The following TNFAIP3 variants were observed in gnomAD, a reference collection of about 807,000 sequenced individuals.
The protein encoded by TNFAIP3 is tumor necrosis factor alpha-induced protein 3.
TNFAIP3 carries 9 observed loss-of-function variants against 72.4 expected under a neutral mutation model. That is an observed-to-expected ratio of 0.12 (90% CI 0.07 to 0.22). The LOEUF is 0.22. TNFAIP3 is among the 10% of genes least tolerant of loss of function. TNFAIP3 has a pLI of 1.00. For synonymous variants in TNFAIP3, 339 were observed against 372.6 expected (o/e 0.91, Z 1.04); for missense variants, 833 against 1,018.7 (o/e 0.82, Z 2.48).
At chr6:137,876,375 A>G in intron 5 of TNFAIP3, 1 of 516,874 alleles carries the variant, frequency 1.9e-6, no homozygotes, top group South Asian at 2.6e-5. Flanking sequence ...AAGTACTTTC[A>G]TACATGATAA....
Position 137,880,165 on chromosome 6 carries a change from C to A in TNFAIP3, c.2001C>A (p.Ser667Arg). Residue 667 changes from serine (S) to arginine (R), a missense_variant, in exon 8 of 9, where the codon AGC becomes AGA. Around this residue, in one of 2 missense-constraint regions of TNFAIP3, gnomAD observed 587 missense variants for 657.8 expected, o/e 0.89. Transcript: ENST00000612899. ...GGAGGGAATGCGGCACCCTTGGAAGCACCATGTTTGAAGGATACTGCCAGA... is the reference window on the plus strand; with the variant it reads ...GGAGGGAATGCGGCACCCTTGGAAGAACCATGTTTGAAGGATACTGCCAGA... ...CLGRECGTLG[S>R]TMFEGYCQKC... 1 of 1,614,108 alleles carries A rather than the reference C, an allele frequency of 6.2e-7. No individual in the cohort carries two copies. Among genetic ancestry groups the A allele is most frequent in the South Asian group, 1.1e-5 (1 of 91,076 alleles).
In TNFAIP3 at chr6:137,882,723, G is replaced by C. The variant is rs538953176; in HGVS notation, c.*1404G>C. Reference sequence around the variant, plus strand: ...TTCTGTTAACACTGTGTCCTGGGGGGGCTGGGAAGTCCCCTGCATCCCATG... The same window carrying C: ...TTCTGTTAACACTGTGTCCTGGGGGCGCTGGGAAGTCCCCTGCATCCCATG... On this transcript the variant is annotated 3_prime_UTR_variant, in exon 9 of 9. Coordinates refer to ENST00000612899, the MANE Select transcript of TNFAIP3 (RefSeq NM_001270508.2). The C allele has an allele frequency of 1.3e-5, 3 of 232,646 alleles. No homozygotes were observed. The highest frequency in any genetic ancestry group is 1.8e-4 in the South Asian group (1 of 5,532). 14.4% of individuals were successfully genotyped at this position (232,646 alleles called of 1,614,324 possible). A position where few individuals can be genotyped will look rare whatever the true frequency, so the allele number is the denominator to read the frequency against.
Position 137,881,308 on chromosome 6 carries a change from A to C in TNFAIP3, c.2362A>C (p.Met788Leu). 1 of 1,537,942 alleles carries C rather than the reference A, an allele frequency of 6.5e-7. No homozygotes were observed. The highest frequency in any genetic ancestry group is 8.7e-7 in the Non-Finnish European group (1 of 1,143,144). Residue 788 changes from methionine (M) to leucine (L), a missense_variant, in exon 9 of 9, where the codon ATG (methionine) becomes CTG (leucine). Physicochemically the swap from Met to Leu is conservative, Grantham distance 15. Coordinates refer to ENST00000612899, the MANE Select transcript of TNFAIP3 (RefSeq NM_001270508.2). The surrounding 1 kb of genome is among the most constrained non-coding windows in gnomAD (Gnocchi z 5.0). ...CAACGAATGCTTTCAGTTCAAGCAG[A>C]TGTATGGCTAACCGGAAACAGGTGG... The part of the protein sequence containing the change: ...YCNECFQFKQ[M>L]YG
At position 137,882,478 on chromosome 6, in the gene TNFAIP3, TC is replaced by T; in HGVS notation, c.*1163del. On this transcript the variant is annotated 3_prime_UTR_variant, in exon 9 of 9. Coordinates refer to ENST00000612899, the MANE Select transcript of TNFAIP3 (RefSeq NM_001270508.2). ...CCTCTTTGATACACTTTTGCTTGCCTCCCCAGGAAAGAAGGAATTGCATCCA... is the reference window on the plus strand; with the variant it reads ...CCTCTTTGATACACTTTTGCTTGCCTCCCAGGAAAGAAGGAATTGCATCCA... The T allele has an allele frequency of 4.3e-6, 1 of 232,806 alleles. No individual in the cohort carries two copies. 14.4% of individuals were successfully genotyped at this position (232,806 alleles called of 1,614,324 possible).
chr6:137,879,488 G>A, intron 7 of TNFAIP3, 137 bp downstream of exon 7: 1 of 1,064,972 alleles, frequency 9.4e-7, no homozygotes, highest in South Asian at 1.7e-5. Context: ...ACCAGCTTGT[G>A]CAGGGGACAG....
At chr6:137,880,022 C>T (rs778136636) in intron 7 of TNFAIP3, 49 bp from the exon 8 acceptor site, 107 of 1,556,176 alleles carry the variant, frequency 6.9e-5, no homozygotes, top group Non-Finnish European at 8.5e-5. Context: ...ATCTCTGTAT[C>T]GGTGGGGTGA....
chr6:137,877,046 G>C (rs1776272917), intron 5 of TNFAIP3, 30 bp from the exon 6 acceptor site: 1 of 1,541,290 alleles, frequency 6.5e-7, no homozygotes, highest in Admixed American at 1.9e-5. Flanking sequence ...GTAGAATACT[G>C]TTTTACTTAT....
At chr6:137,866,978 TCACGCGG>T, upstream of TNFAIP3, 1 of 148,042 alleles carries the variant, frequency 6.8e-6, no homozygotes, top group Admixed American at 6.8e-5. Context: ...CCCAGGTGAC[TCACGCGG>T]GGACACCCCG....
chr6:137,875,506 A>G (rs929566288), intron 3 of TNFAIP3, among the ~76,000 whole-genome samples, 182 bp from the exon 4 acceptor site: 1 of 152,166 alleles, frequency 6.6e-6, no homozygotes, highest in South Asian at 2.1e-4. Flanking sequence ...GTAGTGGAAA[A>G]AAGTAAAGGA....
intron 5 of TNFAIP3, 52 bp downstream of exon 5, chr6:137,876,218 G>T (rs778329460): frequency 2.7e-6 from 4 of 1,497,626 alleles, no homozygotes; most frequent in Non-Finnish European, 3.6e-6. Flanking sequence ...AAACATCAGG[G>T]TTTTCCTTTT....
chr6:137,876,273 T>A, intron 5 of TNFAIP3, 107 bp downstream of exon 5: 3 of 938,564 alleles, frequency 3.2e-6, no homozygotes, highest in African/African-American at 1.7e-5. Context: ...TATTTTTATT[T>A]AAATATATTG....
At chr6:137,875,251 G>A (rs969291004) in intron 3 of TNFAIP3, among the ~76,000 whole-genome samples, 5 of 152,202 alleles carry the variant, frequency 3.3e-5, no homozygotes, top group East Asian at 1.9e-4. Flanking sequence ...CTGTGGATCC[G>A]TTCCTGTAGC....
In TNFAIP3 at chr6:137,868,781, T is replaced by C. The variant is rs147814076; in HGVS notation, c.-16+1239T>C. 8.4e-4 allele frequency among the ~76,000 whole-genome samples: 128 copies of C among 152,200 alleles called. 1 individual carries two copies. The highest frequency in any genetic ancestry group is 3.0e-3 in the African/African-American group (124 of 41,492). ...AACATTTGTTCTTTAATCTTAAGCG[T>C]AGAGTGGTCCAAGACCTGGAAATCT... On this transcript the variant is annotated intron_variant, in intron 1 of 8. Transcript: ENST00000612899.
At chr6:137,876,777 G>C (rs570931930) in intron 5 of TNFAIP3, among the ~76,000 whole-genome samples, 7 of 152,190 alleles carry the variant, frequency 4.6e-5, no homozygotes, top group Admixed American at 3.3e-4. Context: ...ATGCCACACA[G>C]CTTGATAGTG....
chr6:137,871,657 A>G lies in TNFAIP3; in HGVS notation c.295+135A>G. 2 of 952,818 alleles carry G rather than the reference A, an allele frequency of 2.1e-6. No individual in the cohort carries two copies. The highest frequency in any genetic ancestry group is 3.1e-6 in the Non-Finnish European group (2 of 646,092). 59.0% of individuals were successfully genotyped at this position (952,818 alleles called of 1,614,324 possible). A position where few individuals can be genotyped will look rare whatever the true frequency, so the allele number is the denominator to read the frequency against. ...ATTTAGTATTGAGACCTTTATATAGAATCTCTATTCGGGGTATGTGATAAT... is the reference window on the plus strand; with the variant it reads ...ATTTAGTATTGAGACCTTTATATAGGATCTCTATTCGGGGTATGTGATAAT... On this transcript the variant is annotated intron_variant, in intron 2 of 8. Transcript: ENST00000612899. The surrounding 1 kb of genome is among the most constrained non-coding windows in gnomAD (Gnocchi z 4.2).
rs530746098 is a variant in TNFAIP3, at chr6:137,881,072, A to C, written c.2126A>C (p.Gln709Pro). The C allele has an allele frequency of 6.2e-7, 1 of 1,613,486 alleles. No homozygotes were observed. Among genetic ancestry groups the C allele is most frequent in the African/African-American group, 1.3e-5 (1 of 74,980 alleles). ...CGCAGAGATGTGCCTCGAACCACAC[A>C]AAGCACCTCAAGGCCCAAGTGCGCC... ...SQRRDVPRTT[Q>P]STSRPKCARA... Residue 709 changes from glutamine (Q) to proline (P), a missense_variant, in exon 9 of 9, where the codon CAA becomes CCA. This residue lies in a region of TNFAIP3 where 587 missense variants were observed against 657.8 expected (regional missense o/e 0.89). Transcript: ENST00000612899. This position sits in a 1 kb window ranked among gnomAD's most constrained non-coding sequence, Gnocchi z 5.0.
rs1344440576 is a variant in TNFAIP3 at position 137,871,420 on chromosome 6, C to G, written c.193C>G (p.His65Asp). Residue 65 changes from histidine (H) to aspartate (D), a missense_variant, in exon 2 of 9, where the codon CAC becomes GAC. His to Asp is a moderately conservative substitution (Grantham distance 81, BLOSUM62 -1). Transcript: ENST00000612899. This position sits in a 1 kb window ranked among gnomAD's most constrained non-coding sequence, Gnocchi z 4.2. ...TTGTCCTCAGTTTCGGGAGATCATC[C>G]ACAAAGCCCTCATCGACAGAAACAT... ...QFCPQFREII[H>D]KALIDRNIQA... 2 of 1,614,126 alleles carry G rather than the reference C, an allele frequency of 1.2e-6. No individual in the cohort carries two copies. The highest frequency in any genetic ancestry group is 1.7e-6 in the Non-Finnish European group (2 of 1,180,006).
chr6:137,878,642 C>T lies in TNFAIP3; in HGVS notation c.1197C>T (p.Asn399=), dbSNP rs1776330105. 1.2e-6 allele frequency: 2 copies of T among 1,614,122 alleles called. No homozygotes were observed. Among genetic ancestry groups the T allele is most frequent in the South Asian group, 1.1e-5 (1 of 91,092 alleles). The change falls in exon 7 of 9, where the codon AAC becomes AAT. Residue 399 remains asparagine (N), a synonymous_variant. Coordinates refer to ENST00000612899, the MANE Select transcript of TNFAIP3 (RefSeq NM_001270508.2). ...TPNCPFFMSV[N]TQPLCHECSE... ...ACTGCCCCTTCTTCATGTCTGTGAACACCCAGCCTTTATGCCATGAGTGCT... is the reference window on the plus strand; with the variant it reads ...ACTGCCCCTTCTTCATGTCTGTGAATACCCAGCCTTTATGCCATGAGTGCT...
Position 137,881,139 on chromosome 6 carries a change from G to T in TNFAIP3, c.2193G>T (p.Glu731Asp). 6.2e-7 allele frequency: 1 copy of T among 1,613,922 alleles called. No individual in the cohort carries two copies. Among genetic ancestry groups the T allele is most frequent in the Non-Finnish European group, 8.5e-7 (1 of 1,179,980 alleles). The change falls in exon 9 of 9, where the codon GAG becomes GAT. Residue 731 changes from glutamate to aspartate, a missense_variant. By Grantham distance (45) the Glu-to-Asp change is conservative. Transcript: ENST00000612899. This position sits in a 1 kb window ranked among gnomAD's most constrained non-coding sequence, Gnocchi z 5.0. ...CKNILACRSEELCMECQHPNQ... is the reference protein window; with the variant it reads ...CKNILACRSEDLCMECQHPNQ... ...ACATCCTGGCCTGCCGCAGCGAGGA[G>T]CTCTGCATGGAGTGTCAGCATCCCA...
Sources: allele counts gnomAD v4.1 joint callset (sites outside exome capture counted in the v4.1 genomes callset), GRCh38; gene constraint gnomAD v4.1.1; regional missense constraint gnomAD v4.1.1; non-coding constraint Gnocchi (gnomAD v3.1); transcripts MANE v1.5; gene names NCBI Gene and HGNC (gene_info 2026-07-23, HGNC 2026-07-21).